The following FLNC variants were observed in gnomAD, a reference collection of about 807,000 sequenced individuals.
The protein encoded by FLNC is filamin C.
In FLNC, 91 loss-of-function variants were observed where a neutral mutation model predicts 254.3. The observed-to-expected ratio is 0.36, with a 90% CI of 0.30 to 0.43. The LOEUF (loss-of-function observed/expected upper bound fraction) is 0.43, where lower values mean the gene tolerates loss of function less well. FLNC is among the 20% of genes least tolerant of loss of function. FLNC has a pLI of 1.00. For synonymous variants in FLNC, 1,430 were observed against 1,577.2 expected, an observed-to-expected ratio of 0.91 and a Z score of 2.21; for missense variants, 2,853 against 3,802.6, an observed-to-expected ratio of 0.75 and a Z score of 6.57.
intron 21 of FLNC, among the ~76,000 whole-genome samples, chr7:128,845,575 C>T (rs577898837): frequency 1.3e-5 from 2 of 151,944 alleles, no homozygotes; most frequent in East Asian, 1.9e-4. Context: ...GACGGGGGCA[C>T]GGGGAAAGCT....
At position 128,844,167 on chromosome 7, in the gene FLNC, G is replaced by A. The variant is rs1203053799; in HGVS notation, c.3093G>A (p.Pro1031=). 13 of 1,613,894 alleles carry A rather than the reference G, an allele frequency of 8.1e-6. No homozygotes were observed. In the Admixed American group the frequency reaches 8.3e-5, roughly 10 times the overall value. The stretch of plus-strand genomic sequence containing the variant: ...CCCAGGCTGTGCGCTACATGCCCCC[G>A]GAGGAGGGGCCCTACAAGGTGGATA... ...AEAQAVRYMP[P]EEGPYKVDIT... is the part of the protein sequence containing the mutation. The change falls in exon 20 of 48, where the codon CCG becomes CCA. Residue 1031 remains proline, a synonymous_variant. Transcript: ENST00000325888.
At position 128,843,608 on chromosome 7, in the gene FLNC, G is replaced by A. The variant is rs371064122; in HGVS notation, c.2811+31G>A. The A allele has an allele frequency of 1.5e-4, 249 of 1,612,668 alleles. 1 individual carries two copies. In the East Asian group the frequency reaches 3.4e-3, roughly 22 times the overall value. On this transcript the variant is annotated intron_variant, in intron 18 of 47. Transcript: ENST00000325888. ...CTCTGCCCCTCCCATGCTACCGCCCGGCCGGCCCGCCAGAGCCCTGGGTCT... is the reference window on the plus strand; with the variant it reads ...CTCTGCCCCTCCCATGCTACCGCCCAGCCGGCCCGCCAGAGCCCTGGGTCT...
At chr7:128,840,478 G>A (rs1808283295) in intron 9 of FLNC, 70 bp from the exon 10 acceptor site, 2 of 1,606,304 alleles carry the variant, frequency 1.2e-6, no homozygotes, top group Admixed American at 3.3e-5. Flanking sequence ...GGCTCCTTGA[G>A]GGGATTGAGG....
In FLNC at chr7:128,856,761, C is replaced by T; in HGVS notation, c.7401C>T (p.Arg2467=). The T allele has an allele frequency of 1.2e-6, 2 of 1,614,224 alleles. No individual in the cohort carries two copies. Among genetic ancestry groups the T allele is most frequent in the South Asian group, 1.1e-5 (1 of 91,078 alleles). The change falls in exon 45 of 48, where the codon CGC becomes CGT. Residue 2467 remains arginine (R), a synonymous_variant. Transcript: ENST00000325888. The surrounding 1 kb of genome is among the most constrained non-coding windows in gnomAD (Gnocchi z 5.9). The part of the protein sequence containing the change: ...SELDSDKHTI[R]FIPHENGVHS... ...TATCCACAGACAAGCACACCATCCG[C>T]TTCATCCCCCACGAGAATGGCGTCC...
Position 128,841,613 on chromosome 7 carries a change from G to T in FLNC, c.2121+46G>T. The T allele has an allele frequency of 6.8e-7, 1 of 1,466,180 alleles. No individual in the cohort carries two copies. The highest frequency in any genetic ancestry group is 9.6e-7 in the Non-Finnish European group (1 of 1,045,084). The allele number at this position is 1,466,180 out of a possible 1,614,324, so 90.8% of individuals were successfully genotyped here. Reference sequence around the variant, plus strand: ...TGCTGCCCTTACTACCCATGGCAGGGACCCTGGAAGGCAGGGCCAGGCCAG... The same window carrying T: ...TGCTGCCCTTACTACCCATGGCAGGTACCCTGGAAGGCAGGGCCAGGCCAG... On this transcript the variant is annotated intron_variant, in intron 13 of 47. Transcript: ENST00000325888. The surrounding 1 kb of genome is among the most constrained non-coding windows in gnomAD (Gnocchi z 4.3).
Position 128,858,052 on chromosome 7 carries a change from G to A in FLNC, c.7825G>A (p.Val2609Ile). ...CCACAGCCTTCACGAAACATCCACG[G>A]TTCTGGTGGAGACTGTGACCAAGTC... is the stretch of plus-strand genomic sequence containing the variant. ...GGHSLHETST[V>I]LVETVTKSSS... Residue 2609 changes from valine to isoleucine, a missense_variant, in exon 47 of 48, where the codon GTT (valine) becomes ATT (isoleucine). Val to Ile is a conservative substitution (Grantham distance 29). Around this residue, in one of 10 missense-constraint regions of FLNC, gnomAD observed 197 missense variants for 351.5 expected, o/e 0.56. Transcript: ENST00000325888. This position sits in a 1 kb window ranked among gnomAD's most constrained non-coding sequence, Gnocchi z 6.7. 1 of 1,606,784 alleles carries A rather than the reference G, an allele frequency of 6.2e-7. No homozygotes were observed. The highest frequency in any genetic ancestry group is 8.5e-7 in the Non-Finnish European group (1 of 1,175,660).
intron 22 of FLNC, 28 bp downstream of exon 22, chr7:128,846,191 G>A (rs969418993): frequency 3.1e-6 from 5 of 1,613,582 alleles, no homozygotes; most frequent in Non-Finnish European, 4.2e-6. Flanking sequence ...AGGCTAGTGG[G>A]CAGGGCTGGG....
At chr7:128,840,256 G>C in intron 9 of FLNC, 96 bp downstream of exon 9, 1 of 1,454,836 alleles carries the variant, frequency 6.9e-7, no homozygotes, top group Non-Finnish European at 9.5e-7. Flanking sequence ...GTGACAGCCA[G>C]CACCACAGCT....
Position 128,840,081 on chromosome 7 carries a change from C to T in FLNC, c.1470C>T (p.Arg490=), listed in dbSNP as rs765212618. Residue 490 remains arginine (R), a synonymous_variant, in exon 9 of 48, where the codon CGC becomes CGT. Transcript: ENST00000325888. ...SGRGLQPKGV[R]VKEVADFKVF... is the part of the protein sequence containing the mutation. The stretch of plus-strand genomic sequence containing the variant: ...GAGGCCTGCAGCCCAAGGGTGTTCG[C>T]GTGAAAGAGGTGGCTGACTTCAAGG... The T allele has an allele frequency of 1.9e-5, 31 of 1,614,012 alleles. No individual in the cohort carries two copies. The highest frequency in any genetic ancestry group is 9.9e-5 in the South Asian group (9 of 91,094).
Position 128,836,650 on chromosome 7 carries a change from G to A in FLNC, c.602-510G>A, listed in dbSNP as rs1261604979. Among the ~76,000 whole-genome samples the A allele has an allele frequency of 6.6e-6, 1 of 152,204 alleles. No individual in the cohort carries two copies. Among genetic ancestry groups the A allele is most frequent in the Non-Finnish European group, 1.5e-5 (1 of 68,034 alleles). On this transcript the variant is annotated intron_variant, in intron 2 of 47. Coordinates refer to ENST00000325888, the MANE Select transcript of FLNC (RefSeq NM_001458.5). This position sits in a 1 kb window ranked among gnomAD's most constrained non-coding sequence, Gnocchi z 6.0. ...CCCTTTAATGCCTCAGTTTCCCCAA[G>A]TGAGCAGTTAGAAGGAATAGGGAGT...
rs62479630 is a variant in FLNC, at chr7:128,840,602, G to T, written c.1604G>T (p.Cys535Phe). 2.5e-6 allele frequency: 4 copies of T among 1,614,246 alleles called. No homozygotes were observed. The highest frequency in any genetic ancestry group is 3.4e-6 in the Non-Finnish European group (4 of 1,180,036). Residue 535 changes from cysteine to phenylalanine, a missense_variant, in exon 10 of 48, where the codon TGC (cysteine) becomes TTC (phenylalanine). By Grantham distance (205) the Cys-to-Phe change is radical (BLOSUM62 -2). Transcript: ENST00000325888. ...GAGGCTGGGGATGGTGTGTTCGAGTGCGAGTACTACCCGGTGGTGCCTGGG... is the reference window on the plus strand; with the variant it reads ...GAGGCTGGGGATGGTGTGTTCGAGTTCGAGTACTACCCGGTGGTGCCTGGG... Reference protein sequence around the residue: ...VREAGDGVFECEYYPVVPGKY... With the variant: ...VREAGDGVFEFEYYPVVPGKY...
In FLNC at chr7:128,842,308, C is replaced by T. The variant is rs200655185; in HGVS notation, c.2199C>T (p.Thr733=). ...DGTFRCSYVP[T]KPIKHTIIIS... ...CCTTCCGCTGCTCCTACGTGCCCAC[C>T]AAGCCCATTAAGCACACCATCATCA... Residue 733 remains threonine, a synonymous_variant, in exon 14 of 48, where the codon ACC becomes ACT. Coordinates refer to ENST00000325888, the MANE Select transcript of FLNC (RefSeq NM_001458.5). This position sits in a 1 kb window ranked among gnomAD's most constrained non-coding sequence, Gnocchi z 5.4. 2 of 1,613,774 alleles carry T rather than the reference C, an allele frequency of 1.2e-6. No individual in the cohort carries two copies. The highest frequency in any genetic ancestry group is 1.3e-5 in the African/African-American group (1 of 74,944).
intron 5 of FLNC, 94 bp from the exon 6 acceptor site, chr7:128,837,893 G>A (rs1051010572): frequency 2.0e-5 from 28 of 1,393,504 alleles, no homozygotes; most frequent in Non-Finnish European, 2.6e-5. Context: ...GTGTCACCAT[G>A]GGGGCTGAGT....
intron 26 of FLNC, among the ~76,000 whole-genome samples, 182 bp downstream of exon 26, chr7:128,848,250 A>T (rs1262425976): frequency 6.6e-6 from 1 of 152,076 alleles, no homozygotes; most frequent in East Asian, 1.9e-4. Context: ...TTCCTGCCCC[A>T]GGAGCTTTTA....
chr7:128,848,501 CACCCCCCACCGCCCCGTCCAT>C, intron 26 of FLNC, 39 bp from the exon 27 acceptor site: 1 of 1,570,114 alleles, frequency 6.4e-7, no homozygotes. Context: ...AAGATGAGAT[CACCCCCCACCGCCCCGTCCAT>C]GCCACCCAGC....
Position 128,840,615 on chromosome 7 carries a change from G to T in FLNC, c.1617G>T (p.Pro539=). Residue 539 remains proline (P), a synonymous_variant, in exon 10 of 48, where the codon CCG becomes CCT. Transcript: ENST00000325888. ...GTGTGTTCGAGTGCGAGTACTACCC[G>T]GTGGTGCCTGGGAAGTATGTGGTGA... ...GDGVFECEYY[P]VVPGKYVVTI... 17 of 1,614,188 alleles carry T rather than the reference G, an allele frequency of 1.1e-5. No individual in the cohort carries two copies. The highest frequency in any genetic ancestry group is 1.4e-5 in the Non-Finnish European group (17 of 1,180,016).
chr7:128,831,793 G>C (rs1443139843), intron 1 of FLNC, among the ~76,000 whole-genome samples: 1 of 152,002 alleles, frequency 6.6e-6, no homozygotes, highest in Non-Finnish European at 1.5e-5. Flanking sequence ...AGATTTGGAA[G>C]GTGTGTAGTG....
rs112194548 is a variant in FLNC at position 128,840,855 on chromosome 7, C to T, written c.1698C>T (p.Ser566=). Residue 566 remains serine, a synonymous_variant, in exon 11 of 48, where the codon AGC becomes AGT. Transcript: ENST00000325888. Reference sequence around the variant, plus strand: ...CCAGCCCCTTTGAGGTACAGGTGAGCCCAGAGGCAGGAGTGCAAAAGGTCC... The same window carrying T: ...CCAGCCCCTTTGAGGTACAGGTGAGTCCAGAGGCAGGAGTGCAAAAGGTCC... The part of the protein sequence containing the change: ...IPRSPFEVQV[S]PEAGVQKVRA... 389 of 1,613,748 alleles carry T rather than the reference C, an allele frequency of 2.4e-4. 1 individual carries two copies. In the African/African-American group the frequency reaches 4.8e-3, roughly 20 times the overall value.
intron 39 of FLNC, 65 bp from the exon 40 acceptor site, chr7:128,853,909 G>A (rs1385073317): frequency 1.9e-5 from 30 of 1,612,894 alleles, no homozygotes; most frequent in Middle Eastern, 1.6e-4. Context: ...CCCACCTGTC[G>A]GGCCTCCACC....
Sources: gnomAD v4.1 joint callset for allele counts (sites outside exome capture counted in the v4.1 genomes callset) on GRCh38, gnomAD v4.1.1 for gene constraint, gnomAD v4.1.1 regional missense constraint, Gnocchi (gnomAD v3.1) non-coding constraint, MANE v1.5 for transcripts, NCBI Gene and HGNC (gene_info 2026-07-23, HGNC 2026-07-21) for gene names.